The following TAGAP variants were observed in gnomAD, a reference collection of about 807,000 sequenced individuals.
TAGAP encodes the protein T-cell activation Rho GTPase-activating protein.
Under a neutral mutation model 36.0 loss-of-function variants are expected in TAGAP, and 16 were observed. The observed-to-expected ratio is 0.44, with a 90% CI of 0.30 to 0.68. The LOEUF is 0.68. Among genes scored for constraint, TAGAP ranks in the 30% least tolerant of loss-of-function variants. TAGAP has a pLI of 0.09. For synonymous variants in TAGAP, 372 were observed against 377.4 expected (o/e 0.99, Z 0.17); for missense variants, 794 against 921.5 (o/e 0.86, Z 1.79).
Position 159,037,151 on chromosome 6 carries a change from C to G in TAGAP, c.899-27G>C. The G allele has an allele frequency of 1.3e-6, 2 of 1,546,378 alleles. No individual in the cohort carries two copies. Among genetic ancestry groups the G allele is most frequent in the Non-Finnish European group, 1.7e-6 (2 of 1,152,462 alleles). ...TGGGGGAAGTCAAGCAGCAGTTGAA[C>G]ATTTGTTTGGGTTTATTTATTTATT... On this transcript the variant is annotated intron_variant, in intron 9 of 9. Coordinates refer to ENST00000367066, the MANE Select transcript of TAGAP (RefSeq NM_054114.5). The surrounding 1 kb of genome is among the most constrained non-coding windows in gnomAD (Gnocchi z 5.1).
chr6:159,041,727 A>G lies in TAGAP; in HGVS notation c.316-212T>C. 5.2e-6 allele frequency: 3 copies of G among 578,946 alleles called. No homozygotes were observed. The South Asian group carries it at 7.1e-5, about 14-fold the overall frequency. 35.9% of individuals were successfully genotyped at this position (578,946 alleles called of 1,614,324 possible). A position where few individuals can be genotyped will look rare whatever the true frequency, so the allele number is the denominator to read the frequency against. On this transcript the variant is annotated intron_variant, in intron 5 of 9. Transcript: ENST00000367066. The surrounding 1 kb of genome is among the most constrained non-coding windows in gnomAD (Gnocchi z 4.1). Reference sequence around the variant, plus strand: ...ATCACTTTGGAGCTCTCTCCTTTCAAATACTTCCATATGAACATTGGATTT... The same window carrying G: ...ATCACTTTGGAGCTCTCTCCTTTCAGATACTTCCATATGAACATTGGATTT...
intron 4 of TAGAP, 37 bp downstream of exon 4, chr6:159,043,551 GC>G (rs1779830236): frequency 6.3e-7 from 1 of 1,598,554 alleles, no homozygotes. Flanking sequence ...CTGGTTGTTA[GC>G]ACTTACATAA....
chr6:159,040,380 A>G (rs1284314190), intron 7 of TAGAP, among the ~76,000 whole-genome samples: 1 of 152,178 alleles, frequency 6.6e-6, no homozygotes, highest in Non-Finnish European at 1.5e-5. Flanking sequence ...CCGAATTTCT[A>G]CACTTTGCTG....
In TAGAP at chr6:159,041,835, C is replaced by G. The variant is rs1019962546; in HGVS notation, c.315+243G>C. 1.8e-6 allele frequency: 1 copy of G among 560,214 alleles called. No homozygotes were observed. The highest frequency in any genetic ancestry group is 1.9e-5 in the African/African-American group (1 of 53,250). 34.7% of individuals were successfully genotyped at this position (560,214 alleles called of 1,614,324 possible). A position where few individuals can be genotyped will look rare whatever the true frequency, so the allele number is the denominator to read the frequency against. ...TTCAGCATTCTCCACTCTGTGAAGTCAGAGGAATGGCGGGACCATAGCTCT... is the reference window on the plus strand; with the variant it reads ...TTCAGCATTCTCCACTCTGTGAAGTGAGAGGAATGGCGGGACCATAGCTCT... On this transcript the variant is annotated intron_variant, in intron 5 of 9. Transcript: ENST00000367066. The surrounding 1 kb of genome is among the most constrained non-coding windows in gnomAD (Gnocchi z 4.1).
At chr6:159,040,090 G>T (rs76137495) in intron 7 of TAGAP, among the ~76,000 whole-genome samples, 3,703 of 152,236 alleles carry the variant, frequency 0.024, 49 homozygotes, top group Middle Eastern at 0.037. Flanking sequence ...ACTTTCATAG[G>T]ATGTGACAAC....
chr6:159,038,265 C>CTTTT (rs559846736), intron 8 of TAGAP, 37 bp from the exon 9 acceptor site: 110 of 459,766 alleles, frequency 2.4e-4, no homozygotes, highest in South Asian at 8.1e-4. Context: ...AGCTTGAAGA[C>CTTTT]TTTTTTTTTT....
rs192085152 is a variant in TAGAP at position 159,039,532 on chromosome 6, T to C, written c.588-223A>G. Among the ~76,000 whole-genome samples the C allele has an allele frequency of 6.6e-5, 10 of 152,350 alleles. No homozygotes were observed. In the East Asian group the frequency reaches 1.9e-3, roughly 29 times the overall value. ...GGAGCTAAGAAACTGGCCTTTGTAA[T>C]TGGGACACCAATAACACAGCCCTTT... is the stretch of plus-strand genomic sequence containing the variant. On this transcript the variant is annotated intron_variant, in intron 7 of 9. Transcript: ENST00000367066.
chr6:159,038,958 G>A, intron 8 of TAGAP, 156 bp downstream of exon 8: 1 of 1,479,916 alleles, frequency 6.8e-7, no homozygotes. Context: ...ACATGTATCT[G>A]AGAGAGTGGA....
chr6:159,042,442 G>T, intron 4 of TAGAP, 198 bp from the exon 5 acceptor site: 1 of 1,239,736 alleles, frequency 8.1e-7, no homozygotes, highest in Non-Finnish European at 1.1e-6. Flanking sequence ...CAACCACACT[G>T]TTACCAGGGC....
Position 159,035,892 on chromosome 6 carries a change from G to A in TAGAP, c.2131C>T (p.Arg711Ter). 3.1e-6 allele frequency: 5 copies of A among 1,612,462 alleles called. No individual in the cohort carries two copies. Among genetic ancestry groups the A allele is most frequent in the Non-Finnish European group, 4.2e-6 (5 of 1,178,606 alleles). Reference protein sequence around the residue: ...VQRNKRDCLVRRCSQPVFEAD... With the variant: ...VQRNKRDCLV ...TCAAAGACCGGCTGGCTACATCGTC[G>A]CACGAGACAGTCCCGCTTATTCCTC... Residue 711 changes from arginine (R) to a stop codon, truncating the protein, a stop_gained, in exon 10 of 10, where the codon CGA (arginine) becomes TGA (stop). Transcript: ENST00000367066. LOFTEE classifies it high-confidence loss of function.
intron 4 of TAGAP, 119 bp from the exon 5 acceptor site, chr6:159,042,363 GA>G: frequency 6.8e-7 from 1 of 1,463,172 alleles, no homozygotes; most frequent in South Asian, 1.5e-5. Flanking sequence ...TGCGATGTGA[GA>G]AAAATAATTT....
chr6:159,040,906 C>T (rs16889418), intron 6 of TAGAP, 74 bp from the exon 7 acceptor site: 42,427 of 1,179,934 alleles, frequency 0.036, 2,328 homozygotes, highest in African/African-American at 0.24. Context: ...ACCCGGTTTT[C>T]GTTCCATCGC....
chr6:159,042,054 G>T (rs1302740851), intron 5 of TAGAP, 24 bp downstream of exon 5: 2 of 1,601,318 alleles, frequency 1.2e-6, no homozygotes. Flanking sequence ...ACTGAAGTAG[G>T]TTTATGAGAG....
Position 159,037,182 on chromosome 6 carries a change from T to G in TAGAP, c.899-58A>C, listed in dbSNP as rs1023365499. 4.6e-5 allele frequency: 64 copies of G among 1,376,810 alleles called. No individual in the cohort carries two copies. The highest frequency in any genetic ancestry group is 5.3e-5 in the Non-Finnish European group (56 of 1,047,896). The allele number at this position is 1,376,810 out of a possible 1,614,324, so 85.3% of individuals were successfully genotyped here. A position where few individuals can be genotyped will look rare whatever the true frequency, so the allele number is the denominator to read the frequency against. ...TTTGGGTTTATTTATTTATTTATTT[T>G]TATTTGTATTTTTTATTTTCATTTT... On this transcript the variant is annotated intron_variant, in intron 9 of 9. Coordinates refer to ENST00000367066, the MANE Select transcript of TAGAP (RefSeq NM_054114.5). The surrounding 1 kb of genome is among the most constrained non-coding windows in gnomAD (Gnocchi z 5.1).
At chr6:159,042,019 G>A (rs2114797936) in intron 5 of TAGAP, 59 bp downstream of exon 5, 4 of 1,538,994 alleles carry the variant, frequency 2.6e-6, no homozygotes, top group African/African-American at 1.4e-5. Context: ...CAGATTTCCC[G>A]AGTATTTTGC....
At chr6:159,043,927 T>C in intron 3 of TAGAP, 51 bp downstream of exon 3, 1 of 1,524,764 alleles carries the variant, frequency 6.6e-7, no homozygotes, top group South Asian at 1.2e-5. Flanking sequence ...AAAACAAAGT[T>C]TTCCACCTTC....
Position 159,036,504 on chromosome 6 carries a change from G to A in TAGAP, c.1519C>T (p.His507Tyr), listed in dbSNP as rs1779541377. The change falls in exon 10 of 10, where the codon CAC becomes TAC. Residue 507 changes from histidine to tyrosine, a missense_variant. Coordinates refer to ENST00000367066, the MANE Select transcript of TAGAP (RefSeq NM_054114.5). The surrounding 1 kb of genome is among the most constrained non-coding windows in gnomAD (Gnocchi z 4.9). ...KGKPSREIKK[H>Y]SMSFTFAPHK... ...GGGGCAAAGGTGAAAGACATGGAGT[G>A]CTTTTTAATTTCTCGGCTGGGCTTG... 1.2e-6 allele frequency: 2 copies of A among 1,614,156 alleles called. No homozygotes were observed. The highest frequency in any genetic ancestry group is 1.3e-5 in the African/African-American group (1 of 75,050).
At position 159,036,984 on chromosome 6, in the gene TAGAP, G is replaced by A; in HGVS notation, c.1039C>T (p.Pro347Ser). Residue 347 changes from proline to serine, a missense_variant, in exon 10 of 10, where the codon CCA (proline) becomes TCA (serine). Physicochemically the swap from Pro to Ser is moderately conservative, Grantham distance 74 (BLOSUM62 -1). Transcript: ENST00000367066. The surrounding 1 kb of genome is among the most constrained non-coding windows in gnomAD (Gnocchi z 4.9). ...GGGCTGACCTCTCGGGCATCCTGTG[G>A]GCCCGCGCTATCCAAGCCAGCAGCT... ...ATAAGLDSAG[P>S]QDAREVSPEP... 1 of 1,613,686 alleles carries A rather than the reference G, an allele frequency of 6.2e-7. No individual in the cohort carries two copies.
Position 159,035,669 on chromosome 6 carries a change from C to T in TAGAP, c.*158G>A, listed in dbSNP as rs772210191. On this transcript the variant is annotated 3_prime_UTR_variant, in exon 10 of 10. Transcript: ENST00000367066. Reference sequence around the variant, plus strand: ...CCAGGTACACAGAGACTATCTGATGCGCCATGGCCATGGTGTAGCTATCCT... The same window carrying T: ...CCAGGTACACAGAGACTATCTGATGTGCCATGGCCATGGTGTAGCTATCCT... 25 of 640,414 alleles carry T rather than the reference C, an allele frequency of 3.9e-5. 1 individual carries two copies. The highest frequency in any genetic ancestry group is 5.5e-5 in the Non-Finnish European group (21 of 381,816). 39.7% of individuals were successfully genotyped at this position (640,414 alleles called of 1,614,324 possible). A position where few individuals can be genotyped will look rare whatever the true frequency, so the allele number is the denominator to read the frequency against.
Sources: allele counts gnomAD v4.1 joint callset (sites outside exome capture counted in the v4.1 genomes callset), GRCh38; gene constraint gnomAD v4.1.1; non-coding constraint Gnocchi (gnomAD v3.1); transcripts MANE v1.5; gene names NCBI Gene and HGNC (gene_info 2026-07-23, HGNC 2026-07-21).